LHFPL2: variants seen among roughly 807,000 people sequenced by gnomAD.
LHFPL2 encodes the protein LHFPL tetraspan subfamily member 2 protein.
Under a neutral mutation model 17.5 loss-of-function variants are expected in LHFPL2, and 7 were observed. The observed-to-expected ratio is 0.40, with a 90% CI of 0.23 to 0.75. The LOEUF is 0.75. Among genes scored for constraint, LHFPL2 ranks in the 30% least tolerant of loss-of-function variants. The pLI is 0.37. For synonymous variants in LHFPL2, 134 were observed against 116.2 expected (o/e 1.15, Z -0.99); for missense variants, 241 against 294.8 (o/e 0.82, Z 1.34).
intron 2 of LHFPL2, among the ~76,000 whole-genome samples, chr5:78,607,916 A>C (rs1234793265): frequency 6.6e-6 from 1 of 152,238 alleles, no homozygotes; most frequent in Non-Finnish European, 1.5e-5. Flanking sequence ...TTAAATATGA[A>C]ATCACTCTAG....
At chr5:78,516,332 C>A (rs1755290376) in intron 3 of LHFPL2, among the ~76,000 whole-genome samples, 1 of 152,208 alleles carries the variant, frequency 6.6e-6, no homozygotes, top group Non-Finnish European at 1.5e-5. Flanking sequence ...TCCATCCCAT[C>A]TCTGACTTCT....
At chr5:78,534,387 C>T (rs914674483) in intron 3 of LHFPL2, among the ~76,000 whole-genome samples, 6 of 152,302 alleles carry the variant, frequency 3.9e-5, no homozygotes, top group African/African-American at 1.4e-4. Context: ...GAGCAGGCTG[C>T]ACTGCTCTTC....
chr5:78,615,076 T>A (rs986445704), intron 2 of LHFPL2, among the ~76,000 whole-genome samples: 1 of 152,192 alleles, frequency 6.6e-6, no homozygotes, highest in African/African-American at 2.4e-5. Flanking sequence ...CCACCTACAA[T>A]GGGGGCAGTA....
intron 3 of LHFPL2, among the ~76,000 whole-genome samples, chr5:78,559,910 A>T (rs767752220): frequency 2.4e-4 from 36 of 152,260 alleles, no homozygotes; most frequent in Middle Eastern, 3.2e-3. Flanking sequence ...TTTAATATAG[A>T]AGTATCAATC....
chr5:78,593,748 GAGAGC>G (rs1464842874), intron 2 of LHFPL2, among the ~76,000 whole-genome samples: 18 of 152,126 alleles, frequency 1.2e-4, no homozygotes, highest in African/African-American at 4.3e-4. Context: ...GGAAGAACCT[GAGAGC>G]TCCATACACA....
chr5:78,545,437 C>G (rs924042047), intron 3 of LHFPL2, among the ~76,000 whole-genome samples: 1 of 152,162 alleles, frequency 6.6e-6, no homozygotes, highest in Non-Finnish European at 1.5e-5. Flanking sequence ...TTTTAAGCCA[C>G]CAAGGTACTG....
intron 2 of LHFPL2, among the ~76,000 whole-genome samples, chr5:78,601,449 TTTGTATG>T (rs772545423): frequency 1.3e-5 from 2 of 152,150 alleles, no homozygotes; most frequent in Non-Finnish European, 2.9e-5. Context: ...TATTCTCATG[TTTGTATG>T]TAATTAATAT....
chr5:78,638,018 T>C (rs1221532633), intron 1 of LHFPL2, among the ~76,000 whole-genome samples: 2 of 152,146 alleles, frequency 1.3e-5, no homozygotes, highest in Admixed American at 6.5e-5. Context: ...CAGGACCCAA[T>C]GAATAGCTGA....
chr5:78,621,135 C>G (rs756874992), intron 2 of LHFPL2, among the ~76,000 whole-genome samples: 3 of 151,996 alleles, frequency 2.0e-5, no homozygotes, highest in Non-Finnish European at 4.4e-5. Context: ...TTTAGAATCC[C>G]CAATCTCATC....
At chr5:78,530,432 C>A (rs1316462352) in intron 3 of LHFPL2, among the ~76,000 whole-genome samples, 4 of 152,172 alleles carry the variant, frequency 2.6e-5, no homozygotes, top group Non-Finnish European at 4.4e-5. Context: ...ACAGTCATCC[C>A]AAGAGATTTG....
At chr5:78,601,839 T>C (rs1744028521) in intron 2 of LHFPL2, among the ~76,000 whole-genome samples, 1 of 152,192 alleles carries the variant, frequency 6.6e-6, no homozygotes, top group South Asian at 2.1e-4. Context: ...AGAGCCTGTG[T>C]TCATCCTGCA....
At chr5:78,561,663 T>G (rs933159355) in intron 3 of LHFPL2, among the ~76,000 whole-genome samples, 2 of 152,218 alleles carry the variant, frequency 1.3e-5, no homozygotes, top group Admixed American at 6.5e-5. Flanking sequence ...TCGGCTTCCC[T>G]TCTTATGTCC....
At chr5:78,558,899 T>A (rs1756653045) in intron 3 of LHFPL2, among the ~76,000 whole-genome samples, 1 of 152,150 alleles carries the variant, frequency 6.6e-6, no homozygotes, top group South Asian at 2.1e-4. Flanking sequence ...AGCCACAACA[T>A]AAGAATTCTC....
intron 4 of LHFPL2, among the ~76,000 whole-genome samples, 183 bp downstream of exon 4, chr5:78,509,601 G>GA (rs1755040098): frequency 6.6e-6 from 1 of 151,944 alleles, no homozygotes; most frequent in African/African-American, 2.4e-5. Context: ...TAAGACAGGG[G>GA]AAAGAGACCC....
chr5:78,628,361 G>A (rs969629055), intron 2 of LHFPL2, among the ~76,000 whole-genome samples: 3 of 152,184 alleles, frequency 2.0e-5, no homozygotes, highest in African/African-American at 4.8e-5. Context: ...AACACCCACA[G>A]GCCAATGGGA....
chr5:78,565,957 T>C lies in LHFPL2; in HGVS notation c.-244-1086A>G, dbSNP rs142923247. 9.7e-3 allele frequency among the ~76,000 whole-genome samples: 1,475 copies of C among 152,336 alleles called. 17 individuals are homozygous for C. Among genetic ancestry groups the C allele is most frequent in the African/African-American group, 0.034 (1,403 of 41,572 alleles). On this transcript the variant is annotated intron_variant, in intron 2 of 4. Transcript: ENST00000380345. ...TAAAAGTAATTTCTTCATTTAAAAA[T>C]GATTAGGCTTATGTTATTTAGGACT...
Position 78,648,461 on chromosome 5 carries a change from C to T in LHFPL2, c.-350+38G>A, listed in dbSNP as rs562760893. Reference sequence around the variant, plus strand: ...CCTGGCCGGGCCCACCGGCTCTCCCCTCCCGCAGCGCGCGCGGGCCCGACG... The same window carrying T: ...CCTGGCCGGGCCCACCGGCTCTCCCTTCCCGCAGCGCGCGCGGGCCCGACG... On this transcript the variant is annotated intron_variant, in intron 1 of 4. Coordinates refer to ENST00000380345, the MANE Select transcript of LHFPL2 (RefSeq NM_005779.3). This position sits in a 1 kb window ranked among gnomAD's most constrained non-coding sequence, Gnocchi z 5.4. The T allele has an allele frequency of 1.3e-5, 2 of 151,876 alleles. No individual in the cohort carries two copies. Among genetic ancestry groups the T allele is most frequent in the South Asian group, 4.1e-4 (2 of 4,826 alleles). The allele number at this position is 151,876 out of a possible 1,614,324, so 9.4% of individuals were successfully genotyped here.
chr5:78,523,395 A>C (rs1755518210), intron 3 of LHFPL2, among the ~76,000 whole-genome samples: 2 of 152,196 alleles, frequency 1.3e-5, no homozygotes, highest in South Asian at 4.1e-4. Flanking sequence ...GGGAGCTCTC[A>C]GTGTACAGAA....
At chr5:78,554,180 A>C (rs1258753073) in intron 3 of LHFPL2, among the ~76,000 whole-genome samples, 1 of 152,262 alleles carries the variant, frequency 6.6e-6, no homozygotes, top group Non-Finnish European at 1.5e-5. Flanking sequence ...ACGACAGTGC[A>C]AGGGGCAGAC....
Sources: gnomAD v4.1 joint callset for allele counts (sites outside exome capture counted in the v4.1 genomes callset) on GRCh38, gnomAD v4.1.1 for gene constraint, Gnocchi (gnomAD v3.1) non-coding constraint, MANE v1.5 for transcripts, NCBI Gene and HGNC (gene_info 2026-07-23, HGNC 2026-07-21) for gene names.